Variants in LARGE1 observed in about 807,000 individuals in gnomAD.
The protein encoded by LARGE1 is LARGE xylosyl- and glucuronyltransferase 1, also known as xylosyl- and glucuronyltransferase LARGE1.
Under a neutral mutation model 87.6 loss-of-function variants are expected in LARGE1, and 43 were observed. That is an observed-to-expected ratio of 0.49 (90% CI 0.38 to 0.63). LARGE1 has a LOEUF of 0.63. Ranked by LOEUF, LARGE1 falls within the 30% of genes least tolerant of loss-of-function variation. LARGE1 has a pLI of 0.00. For missense variants in LARGE1, 802 were observed against 1,000.2 expected, an observed-to-expected ratio of 0.80 and a Z score of 2.67; for synonymous variants, 434 against 394.6, an observed-to-expected ratio of 1.10 and a Z score of -1.18.
intron 11 of LARGE1, among the ~76,000 whole-genome samples, chr22:33,178,435 G>A (rs1922994220): frequency 6.6e-6 from 1 of 152,136 alleles, no homozygotes; most frequent in African/African-American, 2.4e-5. Context: ...ATGAAGAAAG[G>A]CACTCAAGTT....
intron 11 of LARGE1, among the ~76,000 whole-genome samples, chr22:33,248,496 C>A (rs563968034): frequency 6.6e-6 from 1 of 152,222 alleles, no homozygotes; most frequent in South Asian, 2.1e-4. Flanking sequence ...ACGTGAGCCA[C>A]GTGTAGACTT....
rs1239727335 is a variant in LARGE1, at chr22:33,895,482, T to C, written c.-83+24513A>G. ...ATGGCTTAGCTGTGTCTATGGTTCA[T>C]GAATCTCATAAGGCTACACAGCCAA... On this transcript the variant is annotated intron_variant, in intron 1 of 14. Coordinates refer to ENST00000397394, the MANE Select transcript of LARGE1 (RefSeq NM_133642.5). 2.0e-5 allele frequency among the ~76,000 whole-genome samples: 3 copies of C among 152,228 alleles called. No homozygotes were observed. In the East Asian group the frequency reaches 5.8e-4, roughly 29 times the overall value.
intron 11 of LARGE1, among the ~76,000 whole-genome samples, chr22:33,190,474 C>T (rs1259562998): frequency 6.6e-6 from 1 of 152,164 alleles, no homozygotes; most frequent in East Asian, 1.9e-4. Flanking sequence ...GTTTATTTCT[C>T]ATATGGATGC....
intron 5 of LARGE1, among the ~76,000 whole-genome samples, chr22:33,603,643 T>C (rs1475940892): frequency 1.3e-5 from 2 of 152,064 alleles, no homozygotes; most frequent in East Asian, 1.9e-4. Flanking sequence ...AAGCAAAGAC[T>C]CAAACACAGA....
intron 1 of LARGE1, among the ~76,000 whole-genome samples, chr22:33,779,569 C>A (rs2085351484): frequency 6.6e-6 from 1 of 152,192 alleles, no homozygotes; most frequent in South Asian, 2.1e-4. Context: ...CACCAGAGGT[C>A]AAGAGTTGGA....
intron 6 of LARGE1, among the ~76,000 whole-genome samples, chr22:33,543,809 G>A (rs1602344560): frequency 6.6e-6 from 1 of 152,150 alleles, no homozygotes; most frequent in Non-Finnish European, 1.5e-5. Flanking sequence ...GAGGTAACAC[G>A]GCAGGCTTGA....
chr22:33,412,148 G>T lies in LARGE1; in HGVS notation c.892+20013C>A, dbSNP rs542298091. On this transcript the variant is annotated intron_variant, in intron 7 of 14. Coordinates refer to ENST00000397394, the MANE Select transcript of LARGE1 (RefSeq NM_133642.5). ...AAAGTACAAAAATTAGCCAGGCGTGGTGGCACGCGCTTGTAGTCCCAGCTA... is the reference window on the plus strand; with the variant it reads ...AAAGTACAAAAATTAGCCAGGCGTGTTGGCACGCGCTTGTAGTCCCAGCTA... Among the ~76,000 whole-genome samples, 493 of 152,304 alleles carry T rather than the reference G, an allele frequency of 3.2e-3. 4 individuals carry two copies. The highest frequency in any genetic ancestry group is 6.1e-3 in the Non-Finnish European group (417 of 68,022).
chr22:33,338,802 GAA>G (rs1397234805), intron 9 of LARGE1, among the ~76,000 whole-genome samples: 1 of 152,120 alleles, frequency 6.6e-6, no homozygotes, highest in African/African-American at 2.4e-5. Context: ...GTCAGTTGGG[GAA>G]AAGTGTCCAC....
At chr22:33,851,725 A>G (rs1333717207) in intron 1 of LARGE1, among the ~76,000 whole-genome samples, 1 of 152,222 alleles carries the variant, frequency 6.6e-6, no homozygotes, top group Non-Finnish European at 1.5e-5. Context: ...GACTGTGTTC[A>G]GTGATTTAGG....
chr22:33,106,038 C>T, the LARGE1 span: 1 of 152,282 alleles, frequency 6.6e-6, no homozygotes, highest in Admixed American at 6.5e-5. Flanking sequence ...GTCTGAGTTT[C>T]TTTCTGGCCC....
the LARGE1 span, among the ~76,000 whole-genome samples, chr22:33,154,086 T>C: frequency 6.6e-6 from 1 of 152,318 alleles, no homozygotes; most frequent in African/African-American, 2.4e-5. Flanking sequence ...ATTTTGTTTA[T>C]CTGTTATAAT....
intron 6 of LARGE1, among the ~76,000 whole-genome samples, chr22:33,505,097 A>T (rs1056246454): frequency 1.3e-5 from 2 of 152,208 alleles, no homozygotes; most frequent in Non-Finnish European, 2.9e-5. Context: ...AGGATTCCTA[A>T]AGAGCTCGTA....
At chr22:33,170,782 A>G (rs1013017412) in intron 11 of LARGE1, among the ~76,000 whole-genome samples, 1 of 152,206 alleles carries the variant, frequency 6.6e-6, no homozygotes, top group African/African-American at 2.4e-5. Flanking sequence ...ACTAATACAG[A>G]GAATTGGTAC....
At chr22:33,199,807 A>G (rs1226684391) in intron 11 of LARGE1, among the ~76,000 whole-genome samples, 5 of 151,196 alleles carry the variant, frequency 3.3e-5, no homozygotes, top group Admixed American at 2.6e-4. Context: ...TGGAGGACAC[A>G]TTCAGTCCAT....
intron 2 of LARGE1, among the ~76,000 whole-genome samples, chr22:33,695,128 G>A (rs1371090152): frequency 7.5e-6 from 1 of 133,682 alleles, no homozygotes; most frequent in Non-Finnish European, 1.6e-5. Flanking sequence ...TTTTTGAGAT[G>A]AGTCTCACTC....
intron 3 of LARGE1, among the ~76,000 whole-genome samples, chr22:33,635,841 A>G (rs2080251562): frequency 6.6e-6 from 1 of 152,190 alleles, no homozygotes; most frequent in Non-Finnish European, 1.5e-5. Context: ...AAATCTGTCC[A>G]CTCTAAATGC....
In LARGE1 at chr22:33,363,860, T is replaced by C. The variant is rs183933993; in HGVS notation, c.1131+18059A>G. ...GGCTACTAAGTGATTCACAGGCCAG[T>C]AGTGCAGACAGCATGGAGATGCTGG... is the stretch of plus-strand genomic sequence containing the variant. On this transcript the variant is annotated intron_variant, in intron 9 of 14. Transcript: ENST00000397394. Among the ~76,000 whole-genome samples the C allele has an allele frequency of 1.2e-3, 178 of 149,278 alleles. 13 individuals carry two copies. Among genetic ancestry groups the C allele is most frequent in the East Asian group, 6.0e-3 (31 of 5,134 alleles).
At chr22:33,648,078 A>G (rs767238690) in intron 3 of LARGE1, among the ~76,000 whole-genome samples, 1 of 152,162 alleles carries the variant, frequency 6.6e-6, no homozygotes, top group Non-Finnish European at 1.5e-5. Context: ...TTTAATCCAC[A>G]GTTTGCAAAT....
At chr22:33,498,742 T>A (rs888541908) in intron 6 of LARGE1, among the ~76,000 whole-genome samples, 8 of 151,998 alleles carry the variant, frequency 5.3e-5, no homozygotes, top group Non-Finnish European at 8.8e-5. Flanking sequence ...GAGGCCGAGG[T>A]GGGCGGATCA....
Sources: allele counts gnomAD v4.1 joint callset (sites outside exome capture counted in the v4.1 genomes callset), GRCh38; gene constraint gnomAD v4.1.1; transcripts MANE v1.5; gene names NCBI Gene and HGNC (gene_info 2026-07-23, HGNC 2026-07-21).